The following MEGF6 variants were observed in gnomAD, a reference collection of about 807,000 sequenced individuals.
The protein encoded by MEGF6 is multiple epidermal growth factor-like domains protein 6.
Under a neutral mutation model 207.1 loss-of-function variants are expected in MEGF6, and 184 were observed. The observed-to-expected ratio is 0.89, with a 90% CI of 0.79 to 1.00. MEGF6 has a LOEUF of 1.00. Among genes scored for constraint, MEGF6 ranks in the 50% least tolerant of loss-of-function variants. The pLI, the probability that MEGF6 is intolerant of heterozygous loss-of-function variation, is 0.00. For synonymous variants in MEGF6, 1,038 were observed against 910.0 expected (o/e 1.14, Z -2.53); for missense variants, 2,282 against 2,202.9 (o/e 1.04, Z -0.72).
At chr1:3,557,501 C>G (rs768778326) in intron 4 of MEGF6, among the ~76,000 whole-genome samples, 29 of 152,224 alleles carry the variant, frequency 1.9e-4, no homozygotes, top group Non-Finnish European at 3.7e-4. Context: ...GCTACGTGCC[C>G]ACCTCGCTGG....
At chr1:3,498,245 A>C (rs780518061) in intron 26 of MEGF6, 126 bp downstream of exon 26, 124 of 1,242,146 alleles carry the variant, frequency 1.0e-4, no homozygotes, top group Non-Finnish European at 1.2e-4. Context: ...CAGCTCTTGC[A>C]TTCACAGGAC....
chr1:3,511,451 C>T (rs1039946708), intron 9 of MEGF6, 99 bp downstream of exon 9: 20 of 1,396,936 alleles, frequency 1.4e-5, no homozygotes, highest in East Asian at 1.0e-4. Flanking sequence ...GGGAGACTGA[C>T]GAGGACCTCC....
intron 5 of MEGF6, among the ~76,000 whole-genome samples, chr1:3,519,029 A>G (rs1641644503): frequency 6.6e-6 from 1 of 152,218 alleles, no homozygotes; most frequent in African/African-American, 2.4e-5. Flanking sequence ...AACAACACAG[A>G]GCACCAGGCA....
chr1:3,592,977 G>A lies in MEGF6; in HGVS notation c.376+2361C>T, dbSNP rs550633018. ...GCCTCAGCCCAGCCCGGGCTGCCCCGGGGAGGGTCTCAGCCAAGATGCCCT... is the reference window on the plus strand; with the variant it reads ...GCCTCAGCCCAGCCCGGGCTGCCCCAGGGAGGGTCTCAGCCAAGATGCCCT... On this transcript the variant is annotated intron_variant, in intron 3 of 36. Coordinates refer to ENST00000356575, the MANE Select transcript of MEGF6 (RefSeq NM_001409.4). 5.3e-5 allele frequency among the ~76,000 whole-genome samples: 8 copies of A among 151,926 alleles called. No individual in the cohort carries two copies. In the South Asian group the frequency reaches 6.3e-4, roughly 12 times the overall value.
the MEGF6 span, among the ~76,000 whole-genome samples, chr1:3,616,795 G>A: frequency 3.0e-4 from 46 of 152,328 alleles, no homozygotes; most frequent in African/African-American, 9.1e-4. Flanking sequence ...CAAGCGTGGC[G>A]GGGGAGAACG....
chr1:3,559,207 A>G (rs1395490228), intron 4 of MEGF6, among the ~76,000 whole-genome samples: 1 of 152,182 alleles, frequency 6.6e-6, no homozygotes, highest in Non-Finnish European at 1.5e-5. Flanking sequence ...GCCATTCGGC[A>G]TGGCAGCCAC....
intron 4 of MEGF6, chr1:3,531,232 C>T (rs546300710): frequency 1.4e-6 from 2 of 1,467,536 alleles, no homozygotes; most frequent in Non-Finnish European, 1.8e-6. Flanking sequence ...CCCGCGGTCC[C>T]GGGACGCCCC....
At position 3,513,719 on chromosome 1, in the gene MEGF6, T is replaced by C. The variant is rs1641435656; in HGVS notation, c.853+831A>G. On this transcript the variant is annotated intron_variant, in intron 7 of 36. Transcript: ENST00000356575. ...GATCTTCCTGCCTCAGATTCCGGAGTAGCTAGGACTCCAGACAGCACCACC... is the reference window on the plus strand; with the variant it reads ...GATCTTCCTGCCTCAGATTCCGGAGCAGCTAGGACTCCAGACAGCACCACC... Among the ~76,000 whole-genome samples, 3 of 149,672 alleles carry C rather than the reference T, an allele frequency of 2.0e-5. No homozygotes were observed. The Admixed American group carries it at 2.0e-4, about 10-fold the overall frequency.
chr1:3,610,363 C>A (rs912353847), intron 1 of MEGF6, among the ~76,000 whole-genome samples: 5 of 152,196 alleles, frequency 3.3e-5, no homozygotes, highest in Non-Finnish European at 5.9e-5. Context: ...CCCTCTGTGG[C>A]CCCTGGACGG....
At position 3,500,748 on chromosome 1, in the gene MEGF6, G is replaced by A. The variant is rs760823866; in HGVS notation, c.2592C>T (p.His864=). ...AGGGGTGGCTGCAGTCAGGTCCCCA[G>A]TGCCCAGTATCACAGGCTGCAACAG... ...FSCQRACDTG[H]WGPDCSHPCN... is the part of the protein sequence containing the mutation. The change falls in exon 21 of 37, where the codon CAC becomes CAT. Residue 864 remains histidine, a synonymous_variant. Coordinates refer to ENST00000356575, the MANE Select transcript of MEGF6 (RefSeq NM_001409.4). 19 of 1,604,660 alleles carry A rather than the reference G, an allele frequency of 1.2e-5. No individual in the cohort carries two copies. In the South Asian group the frequency reaches 2.0e-4, roughly 17 times the overall value.
In MEGF6 at chr1:3,540,164, G is replaced by A. The variant is rs767557397; in HGVS notation, c.482-15918C>T. Among the ~76,000 whole-genome samples, 22 of 152,222 alleles carry A rather than the reference G, an allele frequency of 1.4e-4. 1 individual carries two copies. The highest frequency in any genetic ancestry group is 2.9e-4 in the Non-Finnish European group (20 of 68,040). ...TTCTGTTGCTGGGCTGGCTCTCACC[G>A]CTGACGCTGAAGGCTATTATTTTCC... On this transcript the variant is annotated intron_variant, in intron 4 of 36. Transcript: ENST00000356575.
intron 4 of MEGF6, among the ~76,000 whole-genome samples, chr1:3,525,548 G>A (rs1342320072): frequency 6.6e-6 from 1 of 152,206 alleles, no homozygotes; most frequent in Non-Finnish European, 1.5e-5. Flanking sequence ...GGGATCCAAG[G>A]GCAGGTCCAC....
chr1:3,499,560 C>A (rs370873505), intron 23 of MEGF6, 28 bp downstream of exon 23: 1 of 1,560,418 alleles, frequency 6.4e-7, no homozygotes. Flanking sequence ...TCCTGCAGCA[C>A]CCCGGGCTGA....
intron 4 of MEGF6, among the ~76,000 whole-genome samples, chr1:3,578,265 C>T (rs554398637): frequency 1.9e-4 from 29 of 152,350 alleles, no homozygotes; most frequent in African/African-American, 7.0e-4. Context: ...GGTATTTCCG[C>T]GTGAAACCAA....
chr1:3,525,343 A>T lies in MEGF6; in HGVS notation c.482-1097T>A, dbSNP rs1426489555. Reference sequence around the variant, plus strand: ...CCACTCAAAGGCGGTAGAGGGGAGTAGGAGAGCAGGAAGGGGTCGAGAGCA... The same window carrying T: ...CCACTCAAAGGCGGTAGAGGGGAGTTGGAGAGCAGGAAGGGGTCGAGAGCA... On this transcript the variant is annotated intron_variant, in intron 4 of 36. Transcript: ENST00000356575. 4.6e-5 allele frequency among the ~76,000 whole-genome samples: 7 copies of T among 152,348 alleles called. 1 individual carries two copies. The South Asian group carries it at 1.0e-3, about 23-fold the overall frequency.
rs1641056225 is a variant in MEGF6 at position 3,505,194 on chromosome 1, G to A, written c.2188+14C>T. On this transcript the variant is annotated intron_variant, in intron 17 of 36. Transcript: ENST00000356575. ...CAATGAGACTGCCGGGAGCCCCAGG[G>A]GCCGGCCACTCACCTTGGCCACAGT... is the stretch of plus-strand genomic sequence containing the variant. 1.2e-6 allele frequency: 2 copies of A among 1,610,330 alleles called. No homozygotes were observed. The highest frequency in any genetic ancestry group is 1.7e-6 in the Non-Finnish European group (2 of 1,179,472).
At chr1:3,589,447 G>A (rs1228842496) in intron 3 of MEGF6, among the ~76,000 whole-genome samples, 1 of 151,902 alleles carries the variant, frequency 6.6e-6, no homozygotes, top group East Asian at 1.9e-4. Flanking sequence ...TCCCTACTCA[G>A]TGACCTCTTC....
intron 32 of MEGF6, 31 bp from the exon 33 acceptor site, chr1:3,494,155 G>T: frequency 6.5e-7 from 1 of 1,528,822 alleles, no homozygotes; most frequent in South Asian, 1.3e-5. Context: ...CGAGACAAGG[G>T]CACACGGTGG....
chr1:3,557,481 C>T (rs1310861977), intron 4 of MEGF6, among the ~76,000 whole-genome samples: 3 of 152,206 alleles, frequency 2.0e-5, no homozygotes, highest in East Asian at 1.9e-4. Flanking sequence ...TAAGCAAGCC[C>T]GGCGTCCAGG....
Sources: allele counts gnomAD v4.1 joint callset (sites outside exome capture counted in the v4.1 genomes callset), GRCh38; gene constraint gnomAD v4.1.1; transcripts MANE v1.5; gene names NCBI Gene and HGNC (gene_info 2026-07-23, HGNC 2026-07-21).